The following AHCY variants were observed in gnomAD, a reference collection of about 807,000 sequenced individuals.
AHCY encodes the protein adenosylhomocysteinase.
AHCY carries 24 observed loss-of-function variants against 45.4 expected under a neutral mutation model. The observed-to-expected ratio is 0.53, with a 90% CI of 0.38 to 0.74. AHCY has a LOEUF of 0.74. Among genes scored for constraint, AHCY ranks in the 30% least tolerant of loss-of-function variants. The pLI is 0.00. For missense variants in AHCY, 449 were observed against 594.1 expected (o/e 0.76, Z 2.54); for synonymous variants, 245 against 235.1 (o/e 1.04, Z -0.39).
intron 1 of AHCY, chr20:34,302,841 G>A (rs539448884): frequency 3.0e-6 from 3 of 985,432 alleles, no homozygotes; most frequent in Non-Finnish European, 3.6e-6. Flanking sequence ...CCCAGAGAGG[G>A]GTGGACGCTC....
intron 5 of AHCY, 123 bp downstream of exon 5, chr20:34,291,296 C>G (rs1306985214): frequency 1.1e-6 from 1 of 932,464 alleles, no homozygotes; most frequent in African/African-American, 1.6e-5. Flanking sequence ...TCTATAACCG[C>G]TTTTGCCCCC....
rs563418761 is a variant in AHCY at position 34,300,790 on chromosome 20, C to A, written c.28+2453G>T. Among the ~76,000 whole-genome samples the A allele has an allele frequency of 1.1e-3, 161 of 152,334 alleles. 4 individuals are homozygous for A. The South Asian group carries it at 0.033, about 31-fold the overall frequency. ...AGACCCCATTGGCTGCTGTGTGGAT[C>A]TGCGGAGCAAGAGATCCAGGGAGAC... On this transcript the variant is annotated intron_variant, in intron 1 of 9. Coordinates refer to ENST00000217426, the MANE Select transcript of AHCY (RefSeq NM_000687.4).
At chr20:34,258,756 A>T in the AHCY span, among the ~76,000 whole-genome samples, 1 of 78,964 alleles carries the variant, frequency 1.3e-5, no homozygotes, top group African/African-American at 1.2e-4. Context: ...TATATATAAT[A>T]TATGATATAT....
chr20:34,292,233 C>G, intron 4 of AHCY, 125 bp downstream of exon 4: 1 of 1,302,188 alleles, frequency 7.7e-7, no homozygotes, highest in South Asian at 1.3e-5. Context: ...AGCCTGCCAT[C>G]CTCCCATCTT....
the AHCY span, among the ~76,000 whole-genome samples, chr20:34,261,871 G>A: frequency 5.9e-5 from 9 of 152,134 alleles, no homozygotes; most frequent in Admixed American, 5.9e-4. Flanking sequence ...CCAGCGCTTT[G>A]GGAGGCCAAG....
In AHCY at chr20:34,285,573, A is replaced by G; in HGVS notation, c.1034T>C (p.Val345Ala). 2.5e-6 allele frequency: 4 copies of G among 1,614,116 alleles called. No individual in the cohort carries two copies. Among genetic ancestry groups the G allele is most frequent in the Non-Finnish European group, 3.4e-6 (4 of 1,180,022 alleles). Residue 345 changes from valine (V) to alanine (A), a missense_variant, in exon 9 of 10, where the codon GTC (valine) becomes GCC (alanine). Coordinates refer to ENST00000217426, the MANE Select transcript of AHCY (RefSeq NM_000687.4). ...RIILLAEGRL[V>A]NLGCAMGHPS... ...GTGGCCCATGGCACAACCCAGGTTG[A>G]CCAGCCGACCCTCGGCCAGCAGGAT...
At chr20:34,286,445 G>C (rs1462691625) in intron 8 of AHCY, 1 of 152,274 alleles carries the variant, frequency 6.6e-6, no homozygotes. Context: ...CAGATCCCAT[G>C]TTCTCAATAA....
chr20:34,285,496 C>T lies in AHCY; in HGVS notation c.1111G>A (p.Glu371Lys), dbSNP rs2036144526. 1.9e-6 allele frequency: 3 copies of T among 1,614,086 alleles called. No homozygotes were observed. Among genetic ancestry groups the T allele is most frequent in the South Asian group, 1.1e-5 (1 of 91,076 alleles). Residue 371 changes from glutamate to lysine, a missense_variant, in exon 9 of 10, where the codon GAG (glutamate) becomes AAG (lysine). Glu to Lys is a moderately conservative substitution (Grantham distance 56). Transcript: ENST00000217426. ...TACTTGTCTGGATGGGTCCACAGCT[C>T]GATCTGCGCCATCACCTGGTTGGTG... ...SFTNQVMAQI[E>K]LWTHPDKYPV...
chr20:34,271,917 A>G, the AHCY span, among the ~76,000 whole-genome samples: 1 of 152,144 alleles, frequency 6.6e-6, no homozygotes, highest in Admixed American at 6.5e-5. Context: ...AGTGAGAAGT[A>G]AATCAGTCAG....
At chr20:34,269,526 G>A in the AHCY span, among the ~76,000 whole-genome samples, 1 of 151,930 alleles carries the variant, frequency 6.6e-6, no homozygotes, top group African/African-American at 2.4e-5. Flanking sequence ...CTTTAAACCT[G>A]GGAACACCCG....
At chr20:34,270,141 A>G in the AHCY span, among the ~76,000 whole-genome samples, 1 of 151,650 alleles carries the variant, frequency 6.6e-6, no homozygotes, top group South Asian at 2.1e-4. Context: ...AGTCCCAGCT[A>G]CTCAGGCAGC....
At chr20:34,288,222 T>C (rs553325292) in intron 8 of AHCY, among the ~76,000 whole-genome samples, 2 of 152,184 alleles carry the variant, frequency 1.3e-5, no homozygotes, top group Non-Finnish European at 2.9e-5. Context: ...TGTGGGTTCA[T>C]AGAGCTGCCT....
At chr20:34,297,568 T>C (rs2036615523) in intron 1 of AHCY, among the ~76,000 whole-genome samples, 1 of 152,046 alleles carries the variant, frequency 6.6e-6, no homozygotes, top group Non-Finnish European at 1.5e-5. Context: ...AGTGCTGGGA[T>C]TACAGGTGTG....
chr20:34,250,048 G>C, the AHCY span: 1 of 152,338 alleles, frequency 6.6e-6, no homozygotes, highest in Non-Finnish European at 1.5e-5. Flanking sequence ...CTGGGGTCCA[G>C]CTGATACTTC....
chr20:34,292,093 C>T (rs2122767057), intron 4 of AHCY, among the ~76,000 whole-genome samples: 1 of 152,364 alleles, frequency 6.6e-6, no homozygotes, highest in African/African-American at 2.4e-5. Flanking sequence ...TGCGTACCTG[C>T]TTTGAACAAA....
intron 3 of AHCY, 69 bp downstream of exon 3, chr20:34,294,012 G>C (rs780357830): frequency 2.7e-6 from 4 of 1,475,752 alleles, no homozygotes; most frequent in Non-Finnish European, 2.8e-6. Context: ...TGTTGCTCTA[G>C]CAGTCAGTGA....
the AHCY span, among the ~76,000 whole-genome samples, chr20:34,244,105 T>A: frequency 6.6e-6 from 1 of 152,152 alleles, no homozygotes; most frequent in South Asian, 2.1e-4. Flanking sequence ...TTCAAGATCG[T>A]AATTTGCATG....
At chr20:34,286,749 G>A (rs1334837219) in intron 8 of AHCY, among the ~76,000 whole-genome samples, 6 of 148,284 alleles carry the variant, frequency 4.0e-5, no homozygotes, top group Admixed American at 2.1e-4. Context: ...CAGGCGAATC[G>A]CTTGAACCTG....
chr20:34,285,380 G>A (rs2036138552), intron 9 of AHCY, 60 bp downstream of exon 9: 3 of 1,593,894 alleles, frequency 1.9e-6, no homozygotes, highest in South Asian at 2.2e-5. Flanking sequence ...GGCAAGCCCT[G>A]TGTGGGGATC....
Sources: gnomAD v4.1 joint callset for allele counts (sites outside exome capture counted in the v4.1 genomes callset) on GRCh38, gnomAD v4.1.1 for gene constraint, MANE v1.5 for transcripts, NCBI Gene and HGNC (gene_info 2026-07-23, HGNC 2026-07-21) for gene names.